Variants in CSMD3 observed in about 807,000 individuals in gnomAD.
CSMD3 encodes the protein CUB and sushi domain-containing protein 3.
Under a neutral mutation model 435.2 loss-of-function variants are expected in CSMD3, and 177 were observed. The observed-to-expected ratio is 0.41, with a 90% CI of 0.36 to 0.46. CSMD3 has a LOEUF of 0.46. Among genes scored for constraint, CSMD3 ranks in the 20% least tolerant of loss-of-function variants. The pLI, the probability that CSMD3 is intolerant of heterozygous loss-of-function variation, is 0.34. For missense variants in CSMD3, 4,265 were observed against 4,504.6 expected (o/e 0.95, Z 1.52); for synonymous variants, 1,656 against 1,520.5 (o/e 1.09, Z -2.07).
intron 3 of CSMD3, among the ~76,000 whole-genome samples, chr8:113,234,580 A>G (rs2093126940): frequency 6.6e-6 from 1 of 152,192 alleles, no homozygotes; most frequent in Non-Finnish European, 1.5e-5. Flanking sequence ...GAAGAATTCT[A>G]GGGCAATTCT....
chr8:112,550,729 G>T lies in CSMD3; in HGVS notation c.4506C>A (p.Thr1502=). ...TATAAAAATCCGTGTCAAACTGGATGGTTACTATATTGAGGGTGCTATGAA... is the reference window on the plus strand; with the variant it reads ...TATAAAAATCCGTGTCAAACTGGATTGTTACTATATTGAGGGTGCTATGAA... ...EGIHSTLNIV[T]IQFDTDFYIS... Residue 1502 remains threonine, a synonymous_variant, in exon 27 of 71, where the codon ACC becomes ACA. Transcript: ENST00000297405. 6.2e-7 allele frequency: 1 copy of T among 1,606,468 alleles called. No individual in the cohort carries two copies. The highest frequency in any genetic ancestry group is 1.3e-5 in the African/African-American group (1 of 74,782).
intron 18 of CSMD3, among the ~76,000 whole-genome samples, chr8:112,655,890 C>T (rs1420759989): frequency 1.3e-5 from 2 of 151,922 alleles, no homozygotes; most frequent in African/African-American, 4.8e-5. Flanking sequence ...ATAATTGGTA[C>T]AAAACCTCAT....
chr8:112,606,751 C>A (rs1225008080), intron 22 of CSMD3, among the ~76,000 whole-genome samples: 1 of 151,766 alleles, frequency 6.6e-6, no homozygotes, highest in African/African-American at 2.4e-5. Context: ...AGAAAATTCA[C>A]AAATATATGG....
intron 3 of CSMD3, among the ~76,000 whole-genome samples, chr8:113,256,866 A>G (rs933280699): frequency 1.3e-5 from 2 of 152,326 alleles, no homozygotes; most frequent in African/African-American, 4.8e-5. Flanking sequence ...GATTGGTATC[A>G]TATTAGATTA....
intron 6 of CSMD3, among the ~76,000 whole-genome samples, chr8:113,005,272 G>A (rs978966501): frequency 6.6e-6 from 1 of 151,844 alleles, no homozygotes; most frequent in Non-Finnish European, 1.5e-5. Context: ...ATATAACCAC[G>A]GTTTAGATGA....
intron 9 of CSMD3, among the ~76,000 whole-genome samples, chr8:112,943,235 T>A (rs2130777110): frequency 6.6e-6 from 1 of 151,892 alleles, no homozygotes; most frequent in East Asian, 1.9e-4. Flanking sequence ...AATGTATTTT[T>A]ATTAGATATG....
chr8:112,838,077 A>C (rs1329440069), intron 11 of CSMD3, among the ~76,000 whole-genome samples: 2 of 151,702 alleles, frequency 1.3e-5, no homozygotes, highest in African/African-American at 4.8e-5. Context: ...ACACTGGGTT[A>C]TATTAGCAGA....
rs747072756 is a variant in CSMD3, at chr8:112,682,590, T to G, written c.2529A>C (p.Ala843=). 6.2e-7 allele frequency: 1 copy of G among 1,613,804 alleles called. No individual in the cohort carries two copies. Among genetic ancestry groups the G allele is most frequent in the Admixed American group, 1.7e-5 (1 of 60,022 alleles). The part of the protein sequence containing the change: ...ECPDPGIPIN[A]RRFGDNFQLG... ...ATTGAAAGTTGTCCCCAAACCGCCG[T>G]GCATTGATTGGTATTCCAGGATCAG... Residue 843 remains alanine (A), a synonymous_variant, in exon 16 of 71, where the codon GCA becomes GCC. Coordinates refer to ENST00000297405, the MANE Select transcript of CSMD3 (RefSeq NM_198123.2).
In CSMD3 at chr8:112,517,240, A is replaced by T; in HGVS notation, c.4565-15T>A. 1 of 1,609,940 alleles carries T rather than the reference A, an allele frequency of 6.2e-7. No homozygotes were observed. The highest frequency in any genetic ancestry group is 8.5e-7 in the Non-Finnish European group (1 of 1,177,196). On this transcript the variant is annotated splice_polypyrimidine_tract_variant and intron_variant, in intron 27 of 70. Transcript: ENST00000297405. ...GGCAACAGAACCTATCAAAAGACAG[A>T]GACAAAATTTTAGTTTTGATAACTA...
At chr8:113,336,243 G>A (rs923563977) in intron 1 of CSMD3, among the ~76,000 whole-genome samples, 10 of 150,120 alleles carry the variant, frequency 6.7e-5, no homozygotes, top group African/African-American at 1.7e-4. Flanking sequence ...TATACTTTTC[G>A]TAGATTTTGA....
intron 1 of CSMD3, among the ~76,000 whole-genome samples, chr8:113,405,253 T>C (rs181317517): frequency 8.2e-4 from 125 of 151,640 alleles, no homozygotes; most frequent in Non-Finnish European, 1.4e-3. Flanking sequence ...AGATACAATT[T>C]TGTATCAGGA....
intron 3 of CSMD3, among the ~76,000 whole-genome samples, chr8:113,233,692 T>A (rs534355957): frequency 4.0e-5 from 6 of 151,742 alleles, no homozygotes; most frequent in African/African-American, 4.8e-5. Context: ...TATTCAAGGA[T>A]TAAGAAAAGT....
At chr8:112,428,413 A>T (rs575888883) in intron 32 of CSMD3, among the ~76,000 whole-genome samples, 4 of 152,324 alleles carry the variant, frequency 2.6e-5, no homozygotes, top group Non-Finnish European at 5.9e-5. Flanking sequence ...CATGGGAGAT[A>T]TGATCTGGGG....
At chr8:112,288,583 A>C (rs1819449606) in intron 57 of CSMD3, among the ~76,000 whole-genome samples, 1 of 152,086 alleles carries the variant, frequency 6.6e-6, no homozygotes, top group Non-Finnish European at 1.5e-5. Flanking sequence ...TAGTGTAAAG[A>C]CAATGGACAA....
At position 113,314,692 on chromosome 8, in the gene CSMD3, C is replaced by T. The variant is rs1280511733; in HGVS notation, c.280G>A (p.Val94Ile). 6.2e-7 allele frequency: 1 copy of T among 1,611,808 alleles called. No homozygotes were observed. Among genetic ancestry groups the T allele is most frequent in the Non-Finnish European group, 8.5e-7 (1 of 1,178,182 alleles). Residue 94 changes from valine (V) to isoleucine (I), a missense_variant, in exon 2 of 71, where the codon GTA becomes ATA. Val to Ile is a conservative substitution (Grantham distance 29). Around this residue, in one of 3 missense-constraint regions of CSMD3, gnomAD observed 731 missense variants for 755.4 expected, o/e 0.97. Transcript: ENST00000297405. ...GYPNGANCTWVIIAEERNRIQ... is the reference protein window; with the variant it reads ...GYPNGANCTWIIIAEERNRIQ... ...CTATTTCGTTCTTCTGCTATTATTA[C>T]CCATGTGCAGTTTGCACCATTTGGA...
chr8:113,152,894 C>G (rs890186114), intron 4 of CSMD3, among the ~76,000 whole-genome samples: 2 of 151,458 alleles, frequency 1.3e-5, no homozygotes, highest in African/African-American at 4.9e-5. Flanking sequence ...TCATTTGAAC[C>G]CAGGAGGCAG....
At chr8:112,658,105 T>C (rs1000133200) in intron 17 of CSMD3, among the ~76,000 whole-genome samples, 1 of 152,226 alleles carries the variant, frequency 6.6e-6, no homozygotes, top group African/African-American at 2.4e-5. Context: ...GATGCTTTAG[T>C]ATTAACCATG....
rs1415296884 is a variant in CSMD3, at chr8:113,173,822, G to A, written c.609C>T (p.Ser203=). ...CATCAAGGATGTATCCAGTTACACA[G>A]CTGTAGCGGATCTTGTCCCCGACGT... is the stretch of plus-strand genomic sequence containing the variant. ...RFDVGDKIRY[S]CVTGYILDGH... is the part of the protein sequence containing the mutation. The change falls in exon 4 of 71, where the codon AGC becomes AGT. Residue 203 remains serine (S), a synonymous_variant. Coordinates refer to ENST00000297405, the MANE Select transcript of CSMD3 (RefSeq NM_198123.2). 1 of 1,613,644 alleles carries A rather than the reference G, an allele frequency of 6.2e-7. No homozygotes were observed.
At chr8:113,188,556 A>T (rs1027436068) in intron 3 of CSMD3, among the ~76,000 whole-genome samples, 1 of 151,962 alleles carries the variant, frequency 6.6e-6, no homozygotes, top group Non-Finnish European at 1.5e-5. Context: ...CAAGGAGTAC[A>T]ATAAATCTTG....
Sources: gnomAD v4.1 joint callset for allele counts (sites outside exome capture counted in the v4.1 genomes callset) on GRCh38, gnomAD v4.1.1 for gene constraint, gnomAD v4.1.1 regional missense constraint, MANE v1.5 for transcripts, NCBI Gene and HGNC (gene_info 2026-07-23, HGNC 2026-07-21) for gene names.